RTL4: variants seen among roughly 807,000 people sequenced by gnomAD.
The protein encoded by RTL4 is retrotransposon Gag-like protein 4.
In RTL4, 4 loss-of-function variants were observed where a neutral mutation model predicts 5.3. The observed-to-expected ratio is 0.75, with a 90% CI of 0.37 to 1.72. The LOEUF is 1.72. RTL4 is among the 40% of genes most tolerant of loss of function. RTL4 has a pLI of 0.04. For synonymous variants in RTL4, 98 were observed against 87.3 expected (o/e 1.12, Z -0.68); for missense variants, 260 against 227.1 (o/e 1.14, Z -0.93).
chrX:112,387,119 A>G, the RTL4 span, among the ~76,000 whole-genome samples: 1 of 109,761 alleles, frequency 9.1e-6, no homozygotes, highest in East Asian at 2.8e-4. Context: ...GATGTTGAGC[A>G]TTTTTTTCAT....
the RTL4 span, among the ~76,000 whole-genome samples, chrX:112,373,197 A>G: frequency 9.0e-6 from 1 of 111,729 alleles, no homozygotes; most frequent in African/African-American, 3.3e-5. Flanking sequence ...ATGTATGTAT[A>G]CATTCAACTT....
At chrX:112,355,582 G>C in the RTL4 span, among the ~76,000 whole-genome samples, 1,025 of 111,370 alleles carry the variant, frequency 9.2e-3, 16 homozygotes, top group African/African-American at 0.032. Context: ...TGCTACTTCT[G>C]CAAGAGTTAG....
At chrX:112,197,823 A>G in the RTL4 span, among the ~76,000 whole-genome samples, 14 of 110,875 alleles carry the variant, frequency 1.3e-4, no homozygotes, top group East Asian at 2.6e-3. Flanking sequence ...GTATTTTTGT[A>G]TTTTTCAGGA....
the RTL4 span, among the ~76,000 whole-genome samples, chrX:112,226,262 C>A: frequency 2.6e-4 from 29 of 112,206 alleles, no homozygotes; most frequent in Non-Finnish European, 5.1e-4. Flanking sequence ...CAGGAATATC[C>A]TTTCCCTCCA....
At chrX:112,151,562 G>T in the RTL4 span, among the ~76,000 whole-genome samples, 2 of 111,984 alleles carry the variant, frequency 1.8e-5, no homozygotes, top group African/African-American at 6.5e-5. Flanking sequence ...AATGAAGTTA[G>T]CTAGAAGTTT....
chrX:112,175,033 T>A, the RTL4 span, among the ~76,000 whole-genome samples: 1 of 92,090 alleles, frequency 1.1e-5, no homozygotes, highest in Non-Finnish European at 2.2e-5. Context: ...GTAGGTTGCC[T>A]GTTCACTCTG....
chrX:112,239,902 C>T, the RTL4 span, among the ~76,000 whole-genome samples: 1 of 111,293 alleles, frequency 9.0e-6, no homozygotes, highest in African/African-American at 3.3e-5. Context: ...ACCTAAATAT[C>T]CGAGGATACA....
At chrX:112,315,344 C>G in the RTL4 span, among the ~76,000 whole-genome samples, 1 of 111,298 alleles carries the variant, frequency 9.0e-6, no homozygotes, top group South Asian at 3.9e-4. Flanking sequence ...TTCAGGGCCT[C>G]TCAAAATCTT....
chrX:112,359,154 C>T, the RTL4 span, among the ~76,000 whole-genome samples: 1,028 of 111,141 alleles, frequency 9.2e-3, 16 homozygotes, highest in African/African-American at 0.032. Context: ...TAACAATTTT[C>T]TGTGGGGGTA....
the RTL4 span, among the ~76,000 whole-genome samples, chrX:112,313,734 C>T: frequency 9.1e-6 from 1 of 109,516 alleles, no homozygotes; most frequent in East Asian, 2.9e-4. Context: ...TCAGTTATAG[C>T]GCTTGAGATG....
the RTL4 span, among the ~76,000 whole-genome samples, chrX:112,335,844 A>G: frequency 2.8e-5 from 3 of 108,793 alleles, no homozygotes; most frequent in Non-Finnish European, 3.8e-5. Context: ...TATTATTACT[A>G]TTTATTTTAT....
At chrX:112,331,967 A>G in the RTL4 span, among the ~76,000 whole-genome samples, 3 of 95,182 alleles carry the variant, frequency 3.2e-5, no homozygotes, top group Non-Finnish European at 6.2e-5. Context: ...ATGAGAACAC[A>G]TGGACACAGG....
At chrX:112,098,103 TC>T in the RTL4 span, among the ~76,000 whole-genome samples, 1 of 97,646 alleles carries the variant, frequency 1.0e-5, no homozygotes, top group Middle Eastern at 4.5e-3. Context: ...ATGCTATCTC[TC>T]CCCCCTCCCC....
At chrX:112,102,417 T>A in the RTL4 span, among the ~76,000 whole-genome samples, 1 of 111,597 alleles carries the variant, frequency 9.0e-6, no homozygotes, top group East Asian at 2.8e-4. Flanking sequence ...AGTAGAAAAC[T>A]AATAACCATA....
At chrX:112,169,380 C>T in the RTL4 span, among the ~76,000 whole-genome samples, 1 of 110,944 alleles carries the variant, frequency 9.0e-6, no homozygotes, top group Non-Finnish European at 1.9e-5. Flanking sequence ...TCCCAAAGTG[C>T]TGGGATTACA....
chrX:112,097,169 T>C, the RTL4 span, among the ~76,000 whole-genome samples: 6 of 112,021 alleles, frequency 5.4e-5, no homozygotes, highest in African/African-American at 1.9e-4. Flanking sequence ...TGGGATATAT[T>C]AGTGAACAAA....
chrX:112,216,181 C>T, the RTL4 span, among the ~76,000 whole-genome samples: 552 of 111,668 alleles, frequency 4.9e-3, 3 homozygotes, highest in African/African-American at 0.017. Context: ...ACACCTACTG[C>T]CTTGCAAAGT....
At chrX:112,386,096 A>G in the RTL4 span, among the ~76,000 whole-genome samples, 1 of 109,557 alleles carries the variant, frequency 9.1e-6, no homozygotes, top group Admixed American at 9.6e-5. Flanking sequence ...TAATTTTACA[A>G]TAGTTTTATT....
At chrX:112,215,760 G>A in the RTL4 span, among the ~76,000 whole-genome samples, 1 of 111,968 alleles carries the variant, frequency 8.9e-6, no homozygotes, top group African/African-American at 3.2e-5. Flanking sequence ...GAACATGGAT[G>A]TACAAATACC....
Sources: allele counts gnomAD v4.1 joint callset (sites outside exome capture counted in the v4.1 genomes callset), GRCh38; gene constraint gnomAD v4.1.1; transcripts MANE v1.5; gene names NCBI Gene and HGNC (gene_info 2026-07-23, HGNC 2026-07-21).